DPP10: variants seen among roughly 807,000 people sequenced by gnomAD.
DPP10 encodes the protein inactive dipeptidyl peptidase 10.
A neutral mutation model predicts 120.9 loss-of-function variants in DPP10; 33 were observed. The ratio of observed to expected loss-of-function variants is 0.27; its 90% CI spans 0.21 to 0.37. The LOEUF is 0.37. DPP10 is among the 10% of genes least tolerant of loss of function. DPP10 has a pLI of 1.00. For missense variants in DPP10, 816 were observed against 942.8 expected, an observed-to-expected ratio of 0.87 and a Z score of 1.76; for synonymous variants, 337 against 326.1, an observed-to-expected ratio of 1.03 and a Z score of -0.36.
chr2:115,364,981 A>C (rs993693193), intron 3 of DPP10, among the ~76,000 whole-genome samples: 3 of 152,168 alleles, frequency 2.0e-5, no homozygotes, highest in African/African-American at 7.2e-5. Flanking sequence ...ACAAAAAAGA[A>C]CCAAAGTGTT....
At chr2:115,781,959 G>GCGT (rs1392343093) in intron 16 of DPP10, among the ~76,000 whole-genome samples, 2 of 151,684 alleles carry the variant, frequency 1.3e-5, no homozygotes, top group Non-Finnish European at 2.9e-5. Context: ...TTCTTTTTTT[G>GCGT]GCTGAGTGGC....
chr2:115,753,119 T>C, intron 10 of DPP10, 55 bp from the exon 11 acceptor site: 3 of 1,542,344 alleles, frequency 1.9e-6, no homozygotes, highest in Non-Finnish European at 1.8e-6. Flanking sequence ...ATATTGTTGG[T>C]ACTATATCAA....
At chr2:115,410,438 T>G (rs1427660589) in intron 3 of DPP10, among the ~76,000 whole-genome samples, 3 of 152,040 alleles carry the variant, frequency 2.0e-5, no homozygotes, top group East Asian at 1.9e-4. Flanking sequence ...TAAGAACACA[T>G]GGACACAGGG....
At chr2:115,324,430 C>T (rs191296655) in intron 2 of DPP10, among the ~76,000 whole-genome samples, 1 of 152,286 alleles carries the variant, frequency 6.6e-6, no homozygotes, top group Admixed American at 6.5e-5. Flanking sequence ...CTTGCTGCTT[C>T]ACCTTGCACT....
At chr2:114,741,140 G>A (rs1345819179) in intron 1 of DPP10, among the ~76,000 whole-genome samples, 2 of 152,164 alleles carry the variant, frequency 1.3e-5, no homozygotes, top group African/African-American at 4.8e-5. Flanking sequence ...GCTTATAGAA[G>A]ATTTGGATGG....
chr2:115,403,211 T>TA (rs2068235908), intron 3 of DPP10, among the ~76,000 whole-genome samples: 1 of 151,632 alleles, frequency 6.6e-6, no homozygotes, highest in Non-Finnish European at 1.5e-5. Flanking sequence ...CCTTTTCTTA[T>TA]AAAAATTCTC....
chr2:115,038,724 C>A (rs992727421), intron 1 of DPP10, among the ~76,000 whole-genome samples: 6 of 152,184 alleles, frequency 3.9e-5, no homozygotes, highest in African/African-American at 1.4e-4. Context: ...TTAACTGTCA[C>A]AACCCTGTAA....
intron 1 of DPP10, among the ~76,000 whole-genome samples, chr2:114,485,158 G>T (rs1057363731): frequency 2.6e-5 from 4 of 152,096 alleles, no homozygotes; most frequent in African/African-American, 9.7e-5. Flanking sequence ...ATTATAACTT[G>T]AATCCTAAAG....
chr2:115,599,287 C>G (rs1035240862), intron 5 of DPP10, among the ~76,000 whole-genome samples: 2 of 152,116 alleles, frequency 1.3e-5, no homozygotes, highest in African/African-American at 4.8e-5. Flanking sequence ...CTCTCCCCTT[C>G]TGGGACTCAA....
intron 1 of DPP10, among the ~76,000 whole-genome samples, chr2:114,505,036 A>C (rs1402662500): frequency 8.3e-6 from 1 of 121,168 alleles, no homozygotes; most frequent in Non-Finnish European, 1.6e-5. Flanking sequence ...TGGGCAACAG[A>C]GTGAGACTCT....
chr2:115,698,535 A>T (rs2091717385), intron 7 of DPP10, among the ~76,000 whole-genome samples: 1 of 152,136 alleles, frequency 6.6e-6, no homozygotes, highest in African/African-American at 2.4e-5. Context: ...ATCCAACAGG[A>T]CTGGTGGCTT....
At chr2:114,879,617 T>G (rs1318602613) in intron 1 of DPP10, among the ~76,000 whole-genome samples, 1 of 152,132 alleles carries the variant, frequency 6.6e-6, no homozygotes, top group African/African-American at 2.4e-5. Flanking sequence ...CAAATAGGAT[T>G]CAAATATTGT....
At chr2:114,971,362 T>C (rs1342874556) in intron 1 of DPP10, among the ~76,000 whole-genome samples, 3 of 152,206 alleles carry the variant, frequency 2.0e-5, no homozygotes, top group Non-Finnish European at 4.4e-5. Context: ...AATTACATGG[T>C]ACCATCATAG....
intron 5 of DPP10, among the ~76,000 whole-genome samples, chr2:115,610,234 A>G (rs2083998763): frequency 1.3e-5 from 2 of 151,966 alleles, no homozygotes; most frequent in South Asian, 4.1e-4. Context: ...TCACCCCCCC[A>G]TGGACCTCAC....
intron 4 of DPP10, among the ~76,000 whole-genome samples, chr2:115,516,121 A>G (rs775182008): frequency 5.3e-5 from 8 of 152,096 alleles, no homozygotes; most frequent in Non-Finnish European, 1.0e-4. Flanking sequence ...CAACTAGTGA[A>G]TGTCTGCCTC....
intron 1 of DPP10, among the ~76,000 whole-genome samples, chr2:115,016,078 C>CACGCTTCCTG (rs1282158623): frequency 6.6e-6 from 1 of 152,156 alleles, no homozygotes; most frequent in Non-Finnish European, 1.5e-5. Context: ...CTGGAAGCAT[C>CACGCTTCCTG]ACGCTTCCTG....
intron 1 of DPP10, among the ~76,000 whole-genome samples, chr2:114,896,658 A>G (rs1158467900): frequency 6.6e-6 from 1 of 152,162 alleles, no homozygotes; most frequent in Admixed American, 6.5e-5. Flanking sequence ...GGTTTTCTAG[A>G]TATACAATCA....
chr2:115,095,187 AT>A (rs1709611681), intron 1 of DPP10, among the ~76,000 whole-genome samples: 1 of 152,208 alleles, frequency 6.6e-6, no homozygotes, highest in South Asian at 2.1e-4. Flanking sequence ...GTCTCTGCAT[AT>A]AAGTTAGCAA....
chr2:115,258,227 G>C (rs2105729130), intron 1 of DPP10, among the ~76,000 whole-genome samples: 1 of 152,298 alleles, frequency 6.6e-6, no homozygotes, highest in Non-Finnish European at 1.5e-5. Flanking sequence ...GGATTAGAGT[G>C]AAAGATTTAA....
Sources: allele counts gnomAD v4.1 joint callset (sites outside exome capture counted in the v4.1 genomes callset), GRCh38; gene constraint gnomAD v4.1.1; transcripts MANE v1.5; gene names NCBI Gene and HGNC (gene_info 2026-07-23, HGNC 2026-07-21).